The following TMEM151A variants were observed in gnomAD, a reference collection of about 807,000 sequenced individuals.
TMEM151A encodes transmembrane protein 151.
In TMEM151A, 21 loss-of-function variants were observed where a neutral mutation model predicts 33.7. The observed-to-expected ratio is 0.62, with a 90% confidence interval of 0.44 to 0.90. TMEM151A has a LOEUF of 0.90. Among genes scored for constraint, TMEM151A ranks in the 40% least tolerant of loss-of-function variants. The probability of loss-of-function intolerance (pLI) is 0.00; values close to 1 mark genes in which losing one functional copy is unlikely to be tolerated. For synonymous variants in TMEM151A, 374 were observed against 330.3 expected (o/e 1.13, Z -1.43); for missense variants, 704 against 697.7 (o/e 1.01, Z -0.10).
chr11:66,292,890 T>TG lies in TMEM151A; in HGVS notation c.75+808dup, dbSNP rs987316532. On this transcript the variant is annotated intron_variant, in intron 1 of 1. Coordinates refer to ENST00000327259, the MANE Select transcript of TMEM151A (RefSeq NM_153266.4). This position sits in a 1 kb window ranked among gnomAD's most constrained non-coding sequence, Gnocchi z 4.7. ...GAGGAGCCTGGGGGTCAGTTTGCAG[T>TG]GGGGGGTGGGGAGATGTGCACTGTG... Among the ~76,000 whole-genome samples the TG allele has an allele frequency of 1.5e-5, 2 of 133,416 alleles. No individual in the cohort carries two copies. The highest frequency in any genetic ancestry group is 3.2e-5 in the Non-Finnish European group (2 of 62,064). The allele number at this position is 133,416 out of a possible 152,430, so 87.5% of individuals were successfully genotyped here. A position where few individuals can be genotyped will look rare whatever the true frequency, so the allele number is the denominator to read the frequency against.
In TMEM151A at chr11:66,292,164, A is replaced by G; in HGVS notation, c.75+76A>G. ...CCAGTGCAAAAGGCGACCCCAAGAGAGGGGCTGAGGAGGGAAGTCCCAGAG... is the reference window on the plus strand; with the variant it reads ...CCAGTGCAAAAGGCGACCCCAAGAGGGGGGCTGAGGAGGGAAGTCCCAGAG... On this transcript the variant is annotated intron_variant, in intron 1 of 1. Coordinates refer to ENST00000327259, the MANE Select transcript of TMEM151A (RefSeq NM_153266.4). The surrounding 1 kb of genome is among the most constrained non-coding windows in gnomAD (Gnocchi z 4.7). 1 of 1,237,308 alleles carries G rather than the reference A, an allele frequency of 8.1e-7. No homozygotes were observed. The highest frequency in any genetic ancestry group is 1.6e-5 in the African/African-American group (1 of 62,592). 76.6% of individuals were successfully genotyped at this position (1,237,308 alleles called of 1,614,324 possible). A position where few individuals can be genotyped will look rare whatever the true frequency, so the allele number is the denominator to read the frequency against.
At chr11:66,293,230 C>G (rs1342210447) in intron 1 of TMEM151A, among the ~76,000 whole-genome samples, 1 of 152,136 alleles carries the variant, frequency 6.6e-6, no homozygotes, top group Non-Finnish European at 1.5e-5. Flanking sequence ...GTGATGGGGA[C>G]AGGCTGTATC....
rs865944718 is a variant in TMEM151A at position 66,295,207 on chromosome 11, G to A, written c.961G>A (p.Ala321Thr). ...VHYQVEKLFG[A>T]SSPPPGAVPS... is the part of the protein sequence containing the mutation. ...CTACCAGGTGGAGAAGCTCTTTGGC[G>A]CCAGCTCGCCCCCGCCGGGGGCCGT... is the stretch of plus-strand genomic sequence containing the variant. The change falls in exon 2 of 2, where the codon GCC becomes ACC. Residue 321 changes from alanine to threonine, a missense_variant. Around this residue, in one of 3 missense-constraint regions of TMEM151A, gnomAD observed 398 missense variants for 356.0 expected, o/e 1.12. Transcript: ENST00000327259. 5.1e-6 allele frequency: 8 copies of A among 1,573,976 alleles called. No homozygotes were observed. Among genetic ancestry groups the A allele is most frequent in the South Asian group, 1.1e-5 (1 of 87,388 alleles).
Position 66,295,678 on chromosome 11 carries a change from C to T in TMEM151A, c.*25C>T, listed in dbSNP as rs1292148309. On this transcript the variant is annotated 3_prime_UTR_variant, in exon 2 of 2. Coordinates refer to ENST00000327259, the MANE Select transcript of TMEM151A (RefSeq NM_153266.4). ...AGACCCCCCACGGCCCCCAGAGTGG[C>T]CCCCTCCCCACCATTCCACCATGGG... 7 of 1,454,024 alleles carry T rather than the reference C, an allele frequency of 4.8e-6. No individual in the cohort carries two copies. The highest frequency in any genetic ancestry group is 2.7e-5 in the Admixed American group (1 of 37,144). 90.1% of individuals were successfully genotyped at this position (1,454,024 alleles called of 1,614,324 possible).
Position 66,294,793 on chromosome 11 carries a change from C to T in TMEM151A, c.547C>T (p.Arg183Cys). Residue 183 changes from arginine to cysteine, a missense_variant, in exon 2 of 2, where the codon CGC (arginine) becomes TGC (cysteine). Physicochemically the swap from Arg to Cys is radical, Grantham distance 180. Around this residue, in one of 3 missense-constraint regions of TMEM151A, gnomAD observed 301 missense variants for 323.4 expected, o/e 0.93. Transcript: ENST00000327259. ...CACCACCACGCAGGTGTACCATGAG[C>T]GCGCTGACAGCCGCACGGCCCGCGG... ...AYTTTQVYHE[R>C]ADSRTARGEF... The T allele has an allele frequency of 6.5e-7, 1 of 1,544,362 alleles. No individual in the cohort carries two copies. The highest frequency in any genetic ancestry group is 8.7e-7 in the Non-Finnish European group (1 of 1,146,690).
rs961690110 is a variant in TMEM151A, at chr11:66,292,414, G to A, written c.75+326G>A. Among the ~76,000 whole-genome samples, 1 of 152,200 alleles carries A rather than the reference G, an allele frequency of 6.6e-6. No individual in the cohort carries two copies. The highest frequency in any genetic ancestry group is 6.5e-5 in the Admixed American group (1 of 15,286). On this transcript the variant is annotated intron_variant, in intron 1 of 1. Coordinates refer to ENST00000327259, the MANE Select transcript of TMEM151A (RefSeq NM_153266.4). The surrounding 1 kb of genome is among the most constrained non-coding windows in gnomAD (Gnocchi z 4.7). Reference sequence around the variant, plus strand: ...ATGCTGCCCCCACCCCCAGGGCCGCGGGGTCAGGTCCCCAGCCCGGCCCAG... The same window carrying A: ...ATGCTGCCCCCACCCCCAGGGCCGCAGGGTCAGGTCCCCAGCCCGGCCCAG...
At chr11:66,293,758 T>C (rs1291521526) in intron 1 of TMEM151A, among the ~76,000 whole-genome samples, 30 of 152,156 alleles carry the variant, frequency 2.0e-4, no homozygotes, top group Non-Finnish European at 4.4e-5. Flanking sequence ...ATCCTCACAA[T>C]AGAACCAGTT....
chr11:66,293,540 AG>A (rs1007766782), intron 1 of TMEM151A, among the ~76,000 whole-genome samples: 1 of 151,886 alleles, frequency 6.6e-6, no homozygotes, highest in Admixed American at 6.5e-5. Context: ...TGGGGAGTGG[AG>A]GATGGCCCTC....
At position 66,294,475 on chromosome 11, in the gene TMEM151A, G is replaced by T; in HGVS notation, c.229G>T (p.Ala77Ser). Residue 77 changes from alanine (A) to serine (S), a missense_variant, in exon 2 of 2, where the codon GCC becomes TCC. Physicochemically the swap from Ala to Ser is moderately conservative, Grantham distance 99. This residue lies in a region of TMEM151A where 301 missense variants were observed against 323.4 expected (regional missense o/e 0.93). Coordinates refer to ENST00000327259, the MANE Select transcript of TMEM151A (RefSeq NM_153266.4). ...GCGGCTGGTCCTGGGGCCCGAGGCC[G>T]CCTTGGCCCGGGGAGCCGGGGGCCC... ...VPRLVLGPEA[A>S]LARGAGGPPP... is the part of the protein sequence containing the mutation. The T allele has an allele frequency of 6.2e-7, 1 of 1,605,516 alleles. No individual in the cohort carries two copies. The highest frequency in any genetic ancestry group is 8.5e-7 in the Non-Finnish European group (1 of 1,176,010).
chr11:66,293,889 C>T (rs1223015853), intron 1 of TMEM151A, among the ~76,000 whole-genome samples: 2 of 152,212 alleles, frequency 1.3e-5, no homozygotes, highest in Admixed American at 6.5e-5. Flanking sequence ...GTTTACACCT[C>T]AGACCCCTTC....
Position 66,294,487 on chromosome 11 carries a change from G to A in TMEM151A, c.241G>A (p.Gly81Arg), listed in dbSNP as rs1857488667. The A allele has an allele frequency of 1.9e-6, 3 of 1,604,098 alleles. No individual in the cohort carries two copies. The highest frequency in any genetic ancestry group is 2.6e-6 in the Non-Finnish European group (3 of 1,175,226). ...VLGPEAALAR[G>R]AGGPPPTYPA... is the part of the protein sequence containing the mutation. Reference sequence around the variant, plus strand: ...GGGGCCCGAGGCCGCCTTGGCCCGGGGAGCCGGGGGCCCGCCACCGACCTA... The same window carrying A: ...GGGGCCCGAGGCCGCCTTGGCCCGGAGAGCCGGGGGCCCGCCACCGACCTA... The change falls in exon 2 of 2, where the codon GGA (glycine) becomes AGA (arginine). Residue 81 changes from glycine (G) to arginine (R), a missense_variant. Coordinates refer to ENST00000327259, the MANE Select transcript of TMEM151A (RefSeq NM_153266.4).
chr11:66,294,796 G>A lies in TMEM151A; in HGVS notation c.550G>A (p.Ala184Thr), dbSNP rs763236564. The A allele has an allele frequency of 1.3e-5, 20 of 1,543,546 alleles. No homozygotes were observed. The highest frequency in any genetic ancestry group is 2.0e-5 in the Admixed American group (1 of 50,988). ...CACCACGCAGGTGTACCATGAGCGCGCTGACAGCCGCACGGCCCGCGGCGA... is the reference window on the plus strand; with the variant it reads ...CACCACGCAGGTGTACCATGAGCGCACTGACAGCCGCACGGCCCGCGGCGA... ...YTTTQVYHER[A>T]DSRTARGEFD... The change falls in exon 2 of 2, where the codon GCT becomes ACT. Residue 184 changes from alanine to threonine, a missense_variant. By Grantham distance (58) the Ala-to-Thr change is moderately conservative (BLOSUM62 0). Coordinates refer to ENST00000327259, the MANE Select transcript of TMEM151A (RefSeq NM_153266.4).
Position 66,292,258 on chromosome 11 carries a change from G to A in TMEM151A, c.75+170G>A, listed in dbSNP as rs758617608. Among the ~76,000 whole-genome samples the A allele has an allele frequency of 6.6e-5, 10 of 152,052 alleles. No homozygotes were observed. The highest frequency in any genetic ancestry group is 1.5e-4 in the Non-Finnish European group (10 of 67,972). ...AAGGGTCCAGGGGCCCGCGTTGGGG[G>A]TAGGGGTGGGGCGGCTGGACAGCAA... On this transcript the variant is annotated intron_variant, in intron 1 of 1. Coordinates refer to ENST00000327259, the MANE Select transcript of TMEM151A (RefSeq NM_153266.4). The surrounding 1 kb of genome is among the most constrained non-coding windows in gnomAD (Gnocchi z 4.7).
chr11:66,292,210 A>G lies in TMEM151A; in HGVS notation c.75+122A>G. The G allele has an allele frequency of 1.2e-6, 1 of 858,998 alleles. No homozygotes were observed. The highest frequency in any genetic ancestry group is 4.2e-5 in the Admixed American group (1 of 23,762). 53.2% of individuals were successfully genotyped at this position (858,998 alleles called of 1,614,324 possible). On this transcript the variant is annotated intron_variant, in intron 1 of 1. Coordinates refer to ENST00000327259, the MANE Select transcript of TMEM151A (RefSeq NM_153266.4). The surrounding 1 kb of genome is among the most constrained non-coding windows in gnomAD (Gnocchi z 4.7). ...CAGAGCCCCTACGGCCAATGACGTC[A>G]TTGGGGTCACCTGCGCCCTGCCAAG...
rs1857514510 is a variant in TMEM151A, at chr11:66,295,753, G to A, written c.*100G>A. The stretch of plus-strand genomic sequence containing the variant: ...CCAAAACAGGCGGGAAAACAGACCA[G>A]CCACACACAAGGGGCAGGGGTGAGG... On this transcript the variant is annotated 3_prime_UTR_variant, in exon 2 of 2. Transcript: ENST00000327259. 7 of 1,167,308 alleles carry A rather than the reference G, an allele frequency of 6.0e-6. No individual in the cohort carries two copies. The highest frequency in any genetic ancestry group is 7.8e-6 in the Non-Finnish European group (7 of 893,384). The allele number at this position is 1,167,308 out of a possible 1,614,324, so 72.3% of individuals were successfully genotyped here.
In TMEM151A at chr11:66,294,978, C is replaced by T; in HGVS notation, c.732C>T (p.Ser244=). ...SYLTQRARFF[S]ANEGLDDYLE... Reference sequence around the variant, plus strand: ...TCACGCAGCGGGCGCGCTTCTTCAGCGCCAACGAGGGCCTGGACGACTATC... The same window carrying T: ...TCACGCAGCGGGCGCGCTTCTTCAGTGCCAACGAGGGCCTGGACGACTATC... Residue 244 remains serine, a synonymous_variant, in exon 2 of 2, where the codon AGC becomes AGT. Transcript: ENST00000327259. 6.3e-7 allele frequency: 1 copy of T among 1,580,904 alleles called. No homozygotes were observed. The highest frequency in any genetic ancestry group is 8.5e-7 in the Non-Finnish European group (1 of 1,170,544).
At position 66,295,171 on chromosome 11, in the gene TMEM151A, G is replaced by T; in HGVS notation, c.925G>T (p.Ala309Ser). Reference sequence around the variant, plus strand: ...GCGCGTCGTGGCCGCCTATGGCACGGCTCACGTGCACTACCAGGTGGAGAA... The same window carrying T: ...GCGCGTCGTGGCCGCCTATGGCACGTCTCACGTGCACTACCAGGTGGAGAA... ...PLRVVAAYGTAHVHYQVEKLF... is the reference protein window; with the variant it reads ...PLRVVAAYGTSHVHYQVEKLF... The change falls in exon 2 of 2, where the codon GCT (alanine) becomes TCT (serine). Residue 309 changes from alanine (A) to serine (S), a missense_variant. Ala to Ser is a moderately conservative substitution (Grantham distance 99). This residue lies in a region of TMEM151A where 398 missense variants were observed against 356.0 expected (regional missense o/e 1.12). Coordinates refer to ENST00000327259, the MANE Select transcript of TMEM151A (RefSeq NM_153266.4). The T allele has an allele frequency of 6.3e-7, 1 of 1,586,278 alleles. No individual in the cohort carries two copies. The highest frequency in any genetic ancestry group is 8.5e-7 in the Non-Finnish European group (1 of 1,170,524).
At chr11:66,294,222 G>A in intron 1 of TMEM151A, 100 bp from the exon 2 acceptor site, 1 of 1,516,674 alleles carries the variant, frequency 6.6e-7, no homozygotes, top group Admixed American at 2.0e-5. Flanking sequence ...CTGTAAAATG[G>A]GGCTCACGGT....
rs939267978 is a variant in TMEM151A at position 66,292,017 on chromosome 11, C to T, written c.4C>T (p.Pro2Ser). 1.3e-6 allele frequency: 2 copies of T among 1,503,350 alleles called. No homozygotes were observed. The highest frequency in any genetic ancestry group is 2.1e-5 in the Admixed American group (1 of 48,312). The allele number at this position is 1,503,350 out of a possible 1,614,324, so 93.1% of individuals were successfully genotyped here. The change falls in exon 1 of 2, where the codon CCC becomes TCC. Residue 2 changes from proline to serine, a missense_variant. Coordinates refer to ENST00000327259, the MANE Select transcript of TMEM151A (RefSeq NM_153266.4). This position sits in a 1 kb window ranked among gnomAD's most constrained non-coding sequence, Gnocchi z 4.7. M[P>S]EDGAGDGGEV... ...CCGCCCAAGCAGCCAGGACACCATG[C>T]CCGAGGACGGCGCTGGCGACGGCGG...
Sources: gnomAD v4.1 joint callset for allele counts (sites outside exome capture counted in the v4.1 genomes callset) on GRCh38, gnomAD v4.1.1 for gene constraint, gnomAD v4.1.1 regional missense constraint, Gnocchi (gnomAD v3.1) non-coding constraint, MANE v1.5 for transcripts, NCBI Gene and HGNC (gene_info 2026-07-23, HGNC 2026-07-21) for gene names.